The following SPTLC1 variants were observed in gnomAD, a reference collection of about 807,000 sequenced individuals.
The protein encoded by SPTLC1 is serine palmitoyltransferase long chain base subunit 1, also known as serine palmitoyltransferase 1.
In SPTLC1, 55 loss-of-function variants were observed where a neutral mutation model predicts 68.9. The ratio of observed to expected loss-of-function variants is 0.80; its 90% CI spans 0.64 to 1.00. SPTLC1 has a LOEUF of 1.00. Among genes scored for constraint, SPTLC1 ranks in the 50% least tolerant of loss-of-function variants. The probability of loss-of-function intolerance (pLI) is 0.00; values close to 1 mark genes in which losing one functional copy is unlikely to be tolerated. For synonymous variants in SPTLC1, 197 were observed against 201.6 expected (o/e 0.98, Z 0.19); for missense variants, 449 against 573.1 (o/e 0.78, Z 2.21).
chr9:92,060,865 A>G (rs1834072588), intron 6 of SPTLC1, among the ~76,000 whole-genome samples: 1 of 150,844 alleles, frequency 6.6e-6, no homozygotes, highest in Non-Finnish European at 1.5e-5. Context: ...GTGAGTCAAG[A>G]TGGCGCCACT....
At chr9:92,044,906 A>C (rs1375104290) in intron 12 of SPTLC1, among the ~76,000 whole-genome samples, 1 of 152,198 alleles carries the variant, frequency 6.6e-6, no homozygotes, top group Non-Finnish European at 1.5e-5. Flanking sequence ...AGCTGGGGTA[A>C]GTGGAGATTA....
At chr9:92,047,113 TA>T in intron 11 of SPTLC1, 58 bp downstream of exon 11, 27 of 1,384,344 alleles carry the variant, frequency 2.0e-5, no homozygotes, top group Non-Finnish European at 2.8e-5. Flanking sequence ...AGTAAATCAG[TA>T]ACACAACTAA....
At chr9:92,099,224 C>T (rs527764425) in intron 3 of SPTLC1, among the ~76,000 whole-genome samples, 1 of 152,196 alleles carries the variant, frequency 6.6e-6, no homozygotes, top group Admixed American at 6.5e-5. Flanking sequence ...CAGGGATCGG[C>T]ACCACAGCCC....
intron 3 of SPTLC1, among the ~76,000 whole-genome samples, chr9:92,083,483 T>C (rs979717350): frequency 1.6e-4 from 25 of 152,326 alleles, no homozygotes; most frequent in African/African-American, 6.0e-4. Flanking sequence ...CCCAGCACCA[T>C]TTATTAAATA....
chr9:92,097,793 C>T (rs1835584695), intron 3 of SPTLC1, among the ~76,000 whole-genome samples: 1 of 152,130 alleles, frequency 6.6e-6, no homozygotes, highest in South Asian at 2.1e-4. Flanking sequence ...TAATTATACA[C>T]TTCAAAATGA....
At chr9:92,109,010 A>G (rs962993418) in intron 2 of SPTLC1, 176 bp from the exon 3 acceptor site, 2 of 942,040 alleles carry the variant, frequency 2.1e-6, no homozygotes, top group Admixed American at 5.5e-5. Context: ...CGCATAATAC[A>G]TAATGACCCA....
intron 3 of SPTLC1, chr9:92,105,366 G>A: frequency 6.6e-7 from 1 of 1,516,782 alleles, no homozygotes. Context: ...TTGTTAAGTA[G>A]AACATCAAAA....
chr9:92,114,905 T>C (rs1836389784), intron 1 of SPTLC1: 1 of 209,332 alleles, frequency 4.8e-6, no homozygotes, highest in Non-Finnish European at 9.9e-6. Flanking sequence ...ACAATTTTAT[T>C]CCCCAACGAA....
intron 5 of SPTLC1, chr9:92,078,994 T>C (rs1834779833): frequency 4.3e-6 from 4 of 940,676 alleles, no homozygotes; most frequent in Admixed American, 6.2e-5. Context: ...ATGGAAGATA[T>C]TTCCCTTGCT....
At chr9:92,062,587 C>T (rs771682840) in intron 6 of SPTLC1, among the ~76,000 whole-genome samples, 4 of 152,086 alleles carry the variant, frequency 2.6e-5, no homozygotes, top group African/African-American at 4.8e-5. Flanking sequence ...AATAGACTAC[C>T]GTATTAGCCA....
intron 3 of SPTLC1, among the ~76,000 whole-genome samples, chr9:92,086,327 C>A (rs1342472903): frequency 1.3e-5 from 2 of 152,188 alleles, no homozygotes; most frequent in Non-Finnish European, 2.9e-5. Context: ...GATGCAGTTT[C>A]TTCCTAGTCT....
At chr9:92,115,118 C>G in intron 1 of SPTLC1, 196 bp downstream of exon 1, 2 of 543,948 alleles carry the variant, frequency 3.7e-6, no homozygotes, top group East Asian at 3.4e-5. Context: ...TCAGTCCCAG[C>G]CCCCGCCCCC....
At chr9:92,104,460 C>A (rs1202175475) in intron 3 of SPTLC1, 17 of 1,398,380 alleles carry the variant, frequency 1.2e-5, no homozygotes, top group Non-Finnish European at 1.6e-5. Flanking sequence ...ACACGGGCAC[C>A]CCACAGAGGG....
At chr9:92,100,764 C>T (rs1835717947) in intron 3 of SPTLC1, among the ~76,000 whole-genome samples, 1 of 150,894 alleles carries the variant, frequency 6.6e-6, no homozygotes, top group African/African-American at 2.4e-5. Flanking sequence ...AGCAGAAAAA[C>T]AAACTGCACA....
chr9:92,103,540 T>C (rs1262140138), intron 3 of SPTLC1, among the ~76,000 whole-genome samples: 2 of 152,186 alleles, frequency 1.3e-5, no homozygotes, highest in Admixed American at 6.5e-5. Flanking sequence ...CTGAATGACC[T>C]GAGGAATGGT....
intron 6 of SPTLC1, among the ~76,000 whole-genome samples, chr9:92,063,926 G>A (rs76398660): frequency 0.02 from 3,068 of 152,250 alleles, 69 homozygotes; most frequent in South Asian, 0.081. Flanking sequence ...AAGAGTAAAC[G>A]CTTTCTAATA....
At position 92,046,025 on chromosome 9, in the gene SPTLC1, G is replaced by A. The variant is rs766858139; in HGVS notation, c.1110C>T (p.Cys370=). 32 of 1,613,102 alleles carry A rather than the reference G, an allele frequency of 2.0e-5. No individual in the cohort carries two copies. Among genetic ancestry groups the A allele is most frequent in the South Asian group, 9.9e-5 (9 of 91,014 alleles). ...CTTGTAAAGCTTTATGAATTTGTCC[G>A]CACTTTTCCTTCAACACTGCAAAAA... ...PGIFAVLKEK[C]GQIHKALQGI... The change falls in exon 12 of 15, where the codon TGC becomes TGT. Residue 370 remains cysteine, a synonymous_variant. Coordinates refer to ENST00000262554, the MANE Select transcript of SPTLC1 (RefSeq NM_006415.4).
intron 3 of SPTLC1, among the ~76,000 whole-genome samples, chr9:92,098,671 A>G (rs947511303): frequency 3.3e-5 from 5 of 151,782 alleles, no homozygotes; most frequent in Non-Finnish European, 5.9e-5. Flanking sequence ...GCAAAAGGGT[A>G]AAAATAAAAA....
chr9:92,079,876 A>G (rs1445619935), intron 5 of SPTLC1, 140 bp downstream of exon 5: 1 of 780,912 alleles, frequency 1.3e-6, no homozygotes, highest in Non-Finnish European at 2.2e-6. Context: ...GCTGGTATCA[A>G]ATTCCTGGGC....
Sources: gnomAD v4.1 joint callset for allele counts (sites outside exome capture counted in the v4.1 genomes callset) on GRCh38, gnomAD v4.1.1 for gene constraint, MANE v1.5 for transcripts, NCBI Gene and HGNC (gene_info 2026-07-23, HGNC 2026-07-21) for gene names.